The following PARP8 variants were observed in gnomAD, a reference collection of about 807,000 sequenced individuals.
PARP8 encodes the protein poly(ADP-ribose) polymerase family member 8.
In PARP8, 51 loss-of-function variants were observed where a neutral mutation model predicts 124.1. The ratio of observed to expected loss-of-function variants is 0.41; its 90% CI spans 0.33 to 0.52. The LOEUF (loss-of-function observed/expected upper bound fraction) is 0.52, where lower values mean the gene tolerates loss of function less well. PARP8 is among the 20% of genes least tolerant of loss of function. The pLI, the probability that PARP8 is intolerant of heterozygous loss-of-function variation, is 0.21. For synonymous variants in PARP8, 391 were observed against 361.5 expected (o/e 1.08, Z -0.93); for missense variants, 860 against 1,018.9 (o/e 0.84, Z 2.12).
At chr5:50,749,407 GT>G (rs1409903656) in intron 2 of PARP8, among the ~76,000 whole-genome samples, 2 of 151,992 alleles carry the variant, frequency 1.3e-5, no homozygotes, top group Non-Finnish European at 2.9e-5. Flanking sequence ...ATAAATAGAC[GT>G]AGATCTTAAC....
chr5:50,684,500 TATATATTCATATATATAAA>T (rs1751637246), intron 2 of PARP8, among the ~76,000 whole-genome samples: 2 of 151,836 alleles, frequency 1.3e-5, no homozygotes, highest in Non-Finnish European at 2.9e-5. Context: ...GAAGGTTTTA[TATATATTCATATATATAAA>T]ATATATTCAT....
At chr5:50,699,722 C>T (rs753893731) in intron 2 of PARP8, among the ~76,000 whole-genome samples, 1 of 152,120 alleles carries the variant, frequency 6.6e-6, no homozygotes, top group Non-Finnish European at 1.5e-5. Context: ...AATGCAGATT[C>T]AGATCTATTG....
At position 50,819,351 on chromosome 5, in the gene PARP8, G is replaced by A. The variant is rs538539086; in HGVS notation, c.1669-1862G>A. 1.2e-3 allele frequency among the ~76,000 whole-genome samples: 185 copies of A among 150,650 alleles called. 1 individual carries two copies. Among genetic ancestry groups the A allele is most frequent in the Middle Eastern group, 7.0e-3 (2 of 284 alleles). On this transcript the variant is annotated intron_variant, in intron 15 of 25. Transcript: ENST00000281631. Reference sequence around the variant, plus strand: ...TGCATAGTAGGACATAATTTTTAAAGGGTTTTAGTGAGAGCATATCCATCT... The same window carrying A: ...TGCATAGTAGGACATAATTTTTAAAAGGTTTTAGTGAGAGCATATCCATCT...
Position 50,827,990 on chromosome 5 carries a change from G to A in PARP8, c.2024G>A (p.Ser675Asn). ...HTPHQFLLLS[S>N]PPAKESNFRA... ...CCACATCAGTTCCTTCTTCTCAGCA[G>A]TCCACCAGCCAAAGAATCCAATTTT... is the stretch of plus-strand genomic sequence containing the variant. Residue 675 changes from serine (S) to asparagine (N), a missense_variant, in exon 20 of 26, where the codon AGT (serine) becomes AAT (asparagine). This residue lies in a region of PARP8 where 343 missense variants were observed against 474.7 expected (regional missense o/e 0.72). Coordinates refer to ENST00000281631, the MANE Select transcript of PARP8 (RefSeq NM_024615.4). 1.2e-6 allele frequency: 2 copies of A among 1,613,850 alleles called. No homozygotes were observed.
intron 2 of PARP8, among the ~76,000 whole-genome samples, chr5:50,695,001 C>G (rs1251390526): frequency 6.6e-6 from 1 of 152,206 alleles, no homozygotes; most frequent in Non-Finnish European, 1.5e-5. Context: ...CGGCTTTGTT[C>G]TAGCCGTGCT....
chr5:50,686,534 C>T (rs547257945), intron 2 of PARP8, among the ~76,000 whole-genome samples: 51 of 152,328 alleles, frequency 3.3e-4, no homozygotes, highest in African/African-American at 9.9e-4. Flanking sequence ...AACTCCACTA[C>T]GCGGTGCCCC....
intron 1 of PARP8, chr5:50,667,418 C>T (rs1749428684): frequency 2.8e-6 from 2 of 702,356 alleles, no homozygotes; most frequent in Non-Finnish European, 5.2e-6. Context: ...GAGGGCAGAG[C>T]CCGCGTGGCC....
chr5:50,824,434 G>A (rs955356496), intron 17 of PARP8, among the ~76,000 whole-genome samples: 8 of 152,138 alleles, frequency 5.3e-5, no homozygotes, highest in African/African-American at 9.7e-5. Context: ...AGCAAAAGGC[G>A]CTACAAGTAA....
At chr5:50,832,636 C>T in intron 22 of PARP8, 145 bp from the exon 23 acceptor site, 1 of 645,034 alleles carries the variant, frequency 1.6e-6, no homozygotes, top group East Asian at 3.1e-5. Flanking sequence ...ACCTCAGGGG[C>T]TAAGGGCACA....
intron 2 of PARP8, among the ~76,000 whole-genome samples, chr5:50,694,436 T>G (rs1752812145): frequency 6.6e-6 from 1 of 152,256 alleles, no homozygotes; most frequent in African/African-American, 2.4e-5. Context: ...TTAAATATGT[T>G]TTTATGTTTT....
intron 1 of PARP8, chr5:50,667,822 C>T: frequency 8.5e-7 from 1 of 1,171,362 alleles, no homozygotes; most frequent in Non-Finnish European, 1.2e-6. Context: ...TCCGGCCTCC[C>T]CTATCGGGAA....
intron 15 of PARP8, among the ~76,000 whole-genome samples, chr5:50,818,177 C>CG (rs1745318899): frequency 1.8e-5 from 2 of 108,714 alleles, no homozygotes; most frequent in Non-Finnish European, 3.7e-5. Context: ...TATCATTTAG[C>CG]CCCCCCCCCC....
chr5:50,748,804 G>A (rs1347815097), intron 2 of PARP8, among the ~76,000 whole-genome samples: 1 of 152,120 alleles, frequency 6.6e-6, no homozygotes, highest in Non-Finnish European at 1.5e-5. Context: ...ATGTACCTAG[G>A]TGTAATTTGC....
At chr5:50,817,166 GA>G (rs1312342065) in intron 15 of PARP8, among the ~76,000 whole-genome samples, 1 of 152,156 alleles carries the variant, frequency 6.6e-6, no homozygotes, top group Non-Finnish European at 1.5e-5. Context: ...TATGTTGATA[GA>G]ATAATAGTTG....
At chr5:50,833,897 A>T in intron 23 of PARP8, 82 bp from the exon 24 acceptor site, 1 of 1,084,428 alleles carries the variant, frequency 9.2e-7, no homozygotes, top group Non-Finnish European at 1.4e-6. Context: ...CATCTTAGTG[A>T]CTATTACTTT....
chr5:50,755,082 C>A lies in PARP8; in HGVS notation c.185-4561C>A, dbSNP rs563062417. On this transcript the variant is annotated intron_variant, in intron 3 of 25. Coordinates refer to ENST00000281631, the MANE Select transcript of PARP8 (RefSeq NM_024615.4). ...TTCTTTGTAGATTCTGGGTATTAGC[C>A]CTTTGTCAGATGAGTAGATTGCAAA... Among the ~76,000 whole-genome samples the A allele has an allele frequency of 3.7e-4, 57 of 152,054 alleles. 1 individual carries two copies. The South Asian group carries it at 7.1e-3, about 19-fold the overall frequency.
chr5:50,789,553 A>C (rs112188920), intron 10 of PARP8, among the ~76,000 whole-genome samples: 4 of 152,192 alleles, frequency 2.6e-5, no homozygotes, highest in Non-Finnish European at 5.9e-5. Flanking sequence ...CTCTTTGAAC[A>C]TAGAGTCTAG....
chr5:50,810,669 A>G (rs1157218013), intron 14 of PARP8, among the ~76,000 whole-genome samples: 5 of 152,052 alleles, frequency 3.3e-5, no homozygotes, highest in African/African-American at 1.2e-4. Context: ...TTGTGTTAAC[A>G]CTTTGAACTT....
intron 21 of PARP8, among the ~76,000 whole-genome samples, chr5:50,828,735 A>ATATATG (rs1746619155): frequency 6.7e-6 from 1 of 150,318 alleles, no homozygotes; most frequent in South Asian, 2.1e-4. Context: ...CAAATTATAT[A>ATATATG]TATATATATA....
Sources: allele counts gnomAD v4.1 joint callset (sites outside exome capture counted in the v4.1 genomes callset), GRCh38; gene constraint gnomAD v4.1.1; regional missense constraint gnomAD v4.1.1; transcripts MANE v1.5; gene names NCBI Gene and HGNC (gene_info 2026-07-23, HGNC 2026-07-21).